The following LRP6 variants were observed in gnomAD, a reference collection of about 807,000 sequenced individuals.
LRP6 encodes LDL receptor related protein 6, also known as low-density lipoprotein receptor-related protein 6.
LRP6 carries 43 observed loss-of-function variants against 184.1 expected under a neutral mutation model. That is an observed-to-expected ratio of 0.23 (90% CI 0.18 to 0.30). LRP6 has a LOEUF of 0.30. Ranked by LOEUF, LRP6 falls within the 10% of genes least tolerant of loss-of-function variation. The pLI, the probability that LRP6 is intolerant of heterozygous loss-of-function variation, is 1.00. For synonymous variants in LRP6, 719 were observed against 684.9 expected, an observed-to-expected ratio of 1.05 and a Z score of -0.78; for missense variants, 1,571 against 2,005.3, an observed-to-expected ratio of 0.78 and a Z score of 4.14.
chr12:12,156,473 G>C (rs74061119), intron 12 of LRP6, among the ~76,000 whole-genome samples: 2,684 of 152,268 alleles, frequency 0.018, 87 homozygotes, highest in African/African-American at 0.061. Flanking sequence ...TGGGGTATAG[G>C]TCATGTAGGA....
At chr12:12,252,225 T>C (rs1022279962) in intron 1 of LRP6, among the ~76,000 whole-genome samples, 1 of 152,156 alleles carries the variant, frequency 6.6e-6, no homozygotes, top group East Asian at 1.9e-4. Flanking sequence ...GTTAAATATG[T>C]AGCCAAGTAT....
intron 1 of LRP6, among the ~76,000 whole-genome samples, chr12:12,255,565 A>ATTTTT (rs1865440669): frequency 7.8e-6 from 1 of 128,766 alleles, no homozygotes; most frequent in African/African-American, 3.1e-5. Context: ...GGGTTTGGTC[A>ATTTTT]CTTTTTTTTT....
intron 1 of LRP6, among the ~76,000 whole-genome samples, 196 bp from the exon 2 acceptor site, chr12:12,244,851 T>C (rs1865147633): frequency 6.6e-6 from 1 of 152,048 alleles, no homozygotes; most frequent in Admixed American, 6.6e-5. Context: ...ACATAGGAAA[T>C]GGGGGGAACT....
chr12:12,162,222 G>A lies in LRP6; in HGVS notation c.2250C>T (p.Pro750=). 6.2e-7 allele frequency: 1 copy of A among 1,614,134 alleles called. No individual in the cohort carries two copies. The highest frequency in any genetic ancestry group is 1.1e-5 in the South Asian group (1 of 91,074). The change falls in exon 10 of 23, where the codon CCC becomes CCT. Residue 750 remains proline, a synonymous_variant. Coordinates refer to ENST00000261349, the MANE Select transcript of LRP6 (RefSeq NM_002336.3). ...QVLVWKDLDS[P]RALALDPAEG... is the part of the protein sequence containing the mutation. ...CGGCAGGGTCCAACGCGAGAGCTCT[G>A]GGACTATCTAGGTCTTTCCACACCA...
At chr12:12,263,741 G>A (rs896135013) in intron 1 of LRP6, among the ~76,000 whole-genome samples, 1 of 151,818 alleles carries the variant, frequency 6.6e-6, no homozygotes, top group Admixed American at 6.6e-5. Context: ...GGCTGAGGTG[G>A]GAAGATCACA....
At chr12:12,150,722 T>C (rs1018096118) in intron 13 of LRP6, 114 bp downstream of exon 13, 4 of 1,109,390 alleles carry the variant, frequency 3.6e-6, no homozygotes, top group Non-Finnish European at 4.1e-6. Context: ...AATTTCAGTT[T>C]CATACACACA....
intron 2 of LRP6, among the ~76,000 whole-genome samples, chr12:12,221,839 G>A (rs1400500933): frequency 6.6e-6 from 1 of 152,180 alleles, no homozygotes; most frequent in African/African-American, 2.4e-5. Flanking sequence ...TTACCACATA[G>A]TCTGGGAGGA....
Position 12,117,137 on chromosome 12 carries a change from C to T in LRP6, c.*3989G>A, listed in dbSNP as rs1445413471. 1 of 152,170 alleles carries T rather than the reference C, an allele frequency of 6.6e-6. No individual in the cohort carries two copies. Among genetic ancestry groups the T allele is most frequent in the Non-Finnish European group, 1.5e-5 (1 of 68,030 alleles). The allele number at this position is 152,170 out of a possible 1,614,324, so 9.4% of individuals were successfully genotyped here. Reference sequence around the variant, plus strand: ...CTAAAATCATCTTTCACTACAAGTACTTTCTAAAATCATCTTTCTCTTGGT... The same window carrying T: ...CTAAAATCATCTTTCACTACAAGTATTTTCTAAAATCATCTTTCTCTTGGT... On this transcript the variant is annotated 3_prime_UTR_variant, in exon 23 of 23. Transcript: ENST00000261349.
chr12:12,203,488 C>G (rs1316433638), intron 2 of LRP6, 88 bp from the exon 3 acceptor site: 1 of 1,091,792 alleles, frequency 9.2e-7, no homozygotes, highest in East Asian at 2.5e-5. Context: ...AAGCTCAGGC[C>G]GCGCGCAGTG....
At position 12,116,469 on chromosome 12, in the gene LRP6, A is replaced by T. The variant is rs1480078018; in HGVS notation, c.*4657T>A. 1 of 151,882 alleles carries T rather than the reference A, an allele frequency of 6.6e-6. No homozygotes were observed. The highest frequency in any genetic ancestry group is 1.5e-5 in the Non-Finnish European group (1 of 68,028). 9.4% of individuals were successfully genotyped at this position (151,882 alleles called of 1,614,324 possible). A position where few individuals can be genotyped will look rare whatever the true frequency, so the allele number is the denominator to read the frequency against. ...GTCATATTGGATTTAATCAGACTTT[A>T]AAAATTTTCCCTTTAATACCCATAT... On this transcript the variant is annotated 3_prime_UTR_variant, in exon 23 of 23. Coordinates refer to ENST00000261349, the MANE Select transcript of LRP6 (RefSeq NM_002336.3).
intron 7 of LRP6, among the ~76,000 whole-genome samples, chr12:12,168,876 T>C (rs1212321792): frequency 6.6e-6 from 1 of 152,092 alleles, no homozygotes; most frequent in African/African-American, 2.4e-5. Flanking sequence ...GCACATAGCA[T>C]ATCACCTCTA....
At chr12:12,205,862 C>T (rs528075955) in intron 2 of LRP6, among the ~76,000 whole-genome samples, 2 of 152,274 alleles carry the variant, frequency 1.3e-5, no homozygotes, top group South Asian at 2.1e-4. Context: ...CCAGAATGAG[C>T]GGTATGGACA....
In LRP6 at chr12:12,124,488, T is replaced by G. The variant is rs1949646039; in HGVS notation, c.4547+77A>C. On this transcript the variant is annotated intron_variant, in intron 22 of 22. Transcript: ENST00000261349. The stretch of plus-strand genomic sequence containing the variant: ...TCTCTGGTGACCATCGTCTACTCAT[T>G]TGGGGCTATATCAGGTCCACAACTG... 3 of 980,174 alleles carry G rather than the reference T, an allele frequency of 3.1e-6. No individual in the cohort carries two copies. The Admixed American group carries it at 5.1e-5, about 17-fold the overall frequency. 60.7% of individuals were successfully genotyped at this position (980,174 alleles called of 1,614,324 possible).
intron 16 of LRP6, among the ~76,000 whole-genome samples, chr12:12,138,043 C>G (rs111823078): frequency 0.03 from 4,599 of 151,632 alleles, 100 homozygotes; most frequent in Non-Finnish European, 0.05. Context: ...TGGTGGCATG[C>G]ACCTGTAATC....
intron 1 of LRP6, among the ~76,000 whole-genome samples, chr12:12,265,831 T>C (rs1005745354): frequency 2.0e-5 from 3 of 152,172 alleles, no homozygotes; most frequent in African/African-American, 4.8e-5. Context: ...AACATCATAG[T>C]GCCATCGAAT....
At chr12:12,148,071 C>A (rs997984947) in intron 14 of LRP6, among the ~76,000 whole-genome samples, 3 of 149,332 alleles carry the variant, frequency 2.0e-5, no homozygotes, top group Non-Finnish European at 3.0e-5. Context: ...GATAAAAATC[C>A]TTTTATAAAT....
intron 2 of LRP6, among the ~76,000 whole-genome samples, chr12:12,225,526 C>T (rs536256588): frequency 3.5e-4 from 53 of 152,182 alleles, no homozygotes; most frequent in African/African-American, 1.1e-3. Flanking sequence ...AAGTTAAAAA[C>T]TCTAGGGACA....
At chr12:12,236,368 C>G (rs1864933296) in intron 2 of LRP6, among the ~76,000 whole-genome samples, 1 of 152,194 alleles carries the variant, frequency 6.6e-6, no homozygotes, top group South Asian at 2.1e-4. Flanking sequence ...TTACAACCTA[C>G]AGGATAAAAT....
intron 12 of LRP6, among the ~76,000 whole-genome samples, chr12:12,152,728 C>T (rs1035388573): frequency 7.2e-5 from 11 of 152,218 alleles, no homozygotes; most frequent in Middle Eastern, 3.4e-3. Context: ...GAATTTTGTC[C>T]TTCTCAGGAA....
Sources: gnomAD v4.1 joint callset for allele counts (sites outside exome capture counted in the v4.1 genomes callset) on GRCh38, gnomAD v4.1.1 for gene constraint, MANE v1.5 for transcripts, NCBI Gene and HGNC (gene_info 2026-07-23, HGNC 2026-07-21) for gene names.